ZC3H8: variants seen among roughly 807,000 people sequenced by gnomAD.
The protein encoded by ZC3H8 is zinc finger CCCH domain-containing protein 8.
In ZC3H8, 27 loss-of-function variants were observed where a neutral mutation model predicts 42.5. The observed-to-expected ratio is 0.64, with a 90% CI of 0.47 to 0.88. The LOEUF is 0.88. ZC3H8 is among the 40% of genes least tolerant of loss of function. The pLI is 0.00. For synonymous variants in ZC3H8, 101 were observed against 110.1 expected, an observed-to-expected ratio of 0.92 and a Z score of 0.52; for missense variants, 277 against 336.1, an observed-to-expected ratio of 0.82 and a Z score of 1.37.
chr2:112,237,398 C>T (rs1179593234), intron 3 of ZC3H8, among the ~76,000 whole-genome samples: 1 of 152,190 alleles, frequency 6.6e-6, no homozygotes, highest in East Asian at 1.9e-4. Context: ...TCAGATTTTT[C>T]ACTGAAAACA....
intron 8 of ZC3H8, among the ~76,000 whole-genome samples, chr2:112,217,830 T>C (rs993705215): frequency 3.3e-5 from 5 of 152,228 alleles, no homozygotes; most frequent in African/African-American, 1.2e-4. Context: ...TCTGAAAAAG[T>C]TCCTGTCAAA....
intron 8 of ZC3H8, among the ~76,000 whole-genome samples, chr2:112,226,296 TA>T (rs1030399762): frequency 2.0e-5 from 3 of 150,122 alleles, no homozygotes; most frequent in Admixed American, 1.3e-4. Context: ...AAAATCTAAT[TA>T]AAAAAAAGCG....
chr2:112,222,339 G>C (rs777683312), intron 8 of ZC3H8, among the ~76,000 whole-genome samples: 11 of 152,142 alleles, frequency 7.2e-5, no homozygotes, highest in Non-Finnish European at 1.2e-4. Flanking sequence ...GGGACCACTG[G>C]GTTGGAAGCT....
chr2:112,226,432 C>CA (rs1684841651), intron 8 of ZC3H8, among the ~76,000 whole-genome samples: 1 of 151,196 alleles, frequency 6.6e-6, no homozygotes. Context: ...ACTAAAAATA[C>CA]AAAAAAATTA....
chr2:112,215,880 A>T lies in ZC3H8; in HGVS notation c.*604T>A, dbSNP rs1684299620. The T allele has an allele frequency of 6.6e-6, 1 of 152,250 alleles. No individual in the cohort carries two copies. The highest frequency in any genetic ancestry group is 2.4e-5 in the African/African-American group (1 of 41,474). 9.4% of individuals were successfully genotyped at this position (152,250 alleles called of 1,614,324 possible). On this transcript the variant is annotated 3_prime_UTR_variant, in exon 9 of 9. Transcript: ENST00000409573. ...CTCTAAATTTAGAAATGGTATAGTA[A>T]GAGATATTGTTTCACTTTATTTATA...
At chr2:112,236,462 C>T in intron 4 of ZC3H8, 100 bp downstream of exon 4, 2 of 1,475,910 alleles carry the variant, frequency 1.4e-6, no homozygotes, top group South Asian at 1.4e-5. Context: ...GGGATGCTTC[C>T]ACCTCTCCAT....
chr2:112,232,989 A>G (rs892896690), intron 6 of ZC3H8, among the ~76,000 whole-genome samples: 2 of 152,220 alleles, frequency 1.3e-5, no homozygotes, highest in South Asian at 2.1e-4. Context: ...AGAAATTGTG[A>G]TAAGTCTTTC....
chr2:112,238,341 T>C lies in ZC3H8; in HGVS notation c.344A>G (p.Lys115Arg). The part of the protein sequence containing the change: ...NAAQPEESTK[K>R]EGVKDTPQAA... ...CTGTGGGGTATCTTTTACTCCTTCT[T>C]TCTTTGTAGATTCTTCAGGTTGAGC... is the stretch of plus-strand genomic sequence containing the variant. Residue 115 changes from lysine (K) to arginine (R), a missense_variant, in exon 3 of 9, where the codon AAA (lysine) becomes AGA (arginine). Coordinates refer to ENST00000409573, the MANE Select transcript of ZC3H8 (RefSeq NM_032494.3). The C allele has an allele frequency of 6.2e-7, 1 of 1,613,770 alleles. No homozygotes were observed. Among genetic ancestry groups the C allele is most frequent in the Non-Finnish European group, 8.5e-7 (1 of 1,179,884 alleles).
chr2:112,229,610 A>G (rs1303338532), intron 8 of ZC3H8, among the ~76,000 whole-genome samples: 2 of 152,218 alleles, frequency 1.3e-5, no homozygotes, highest in African/African-American at 4.8e-5. Context: ...CAGATCTGCC[A>G]TATGAAACAG....
In ZC3H8 at chr2:112,238,871, A is replaced by G. The variant is rs187789306; in HGVS notation, c.157-343T>C. ...TTATTTGATATGAGAGGATTACAGT[A>G]TTACAGTTCACACATTACATTTCTG... On this transcript the variant is annotated intron_variant, in intron 2 of 8. Coordinates refer to ENST00000409573, the MANE Select transcript of ZC3H8 (RefSeq NM_032494.3). 9.2e-5 allele frequency among the ~76,000 whole-genome samples: 14 copies of G among 152,362 alleles called. No homozygotes were observed. The East Asian group carries it at 2.7e-3, about 29-fold the overall frequency.
chr2:112,212,286 AAC>A lies in ZC3H8; in HGVS notation c.*4196_*4197del, dbSNP rs779686369. On this transcript the variant is annotated 3_prime_UTR_variant, in exon 9 of 9. Transcript: ENST00000409573. ...TCATCTCCCAAAGGCCCTACCTCCT[AAC>A]AGTTAGTCCTAGGAGTCAGGATTTC... 3.9e-5 allele frequency: 6 copies of A among 152,228 alleles called. No individual in the cohort carries two copies. Among genetic ancestry groups the A allele is most frequent in the Non-Finnish European group, 8.8e-5 (6 of 68,050 alleles). The allele number at this position is 152,228 out of a possible 1,614,324, so 9.4% of individuals were successfully genotyped here.
Position 112,234,117 on chromosome 2 carries a change from T to C in ZC3H8, c.621+3A>G. The stretch of plus-strand genomic sequence containing the variant: ...GTAGATTTTTGCTTACACATTTTTA[T>C]ACCTTAATACATTTCCTTTCAAGAA... On this transcript the variant is annotated splice_donor_region_variant and intron_variant, in intron 5 of 8. Transcript: ENST00000409573. 1 of 1,510,404 alleles carries C rather than the reference T, an allele frequency of 6.6e-7. No homozygotes were observed. Among genetic ancestry groups the C allele is most frequent in the Non-Finnish European group, 9.0e-7 (1 of 1,115,334 alleles). 93.6% of individuals were successfully genotyped at this position (1,510,404 alleles called of 1,614,324 possible).
At chr2:112,244,730 A>G (rs571632549) in intron 2 of ZC3H8, among the ~76,000 whole-genome samples, 4 of 152,248 alleles carry the variant, frequency 2.6e-5, no homozygotes, top group Admixed American at 6.5e-5. Context: ...TGACGTTACT[A>G]TTGTAATTTT....
rs1182194884 is a variant in ZC3H8, at chr2:112,212,723, G to C, written c.*3761C>G. 6.6e-6 allele frequency: 1 copy of C among 152,028 alleles called. No homozygotes were observed. The highest frequency in any genetic ancestry group is 6.6e-5 in the Admixed American group (1 of 15,256). The allele number at this position is 152,028 out of a possible 1,614,324, so 9.4% of individuals were successfully genotyped here. On this transcript the variant is annotated 3_prime_UTR_variant, in exon 9 of 9. Coordinates refer to ENST00000409573, the MANE Select transcript of ZC3H8 (RefSeq NM_032494.3). ...TAGCACCCCTTGAAATCTTAAGACAGCTGTCTCTGTTCTGGTGTCATAATC... is the reference window on the plus strand; with the variant it reads ...TAGCACCCCTTGAAATCTTAAGACACCTGTCTCTGTTCTGGTGTCATAATC...
At chr2:112,244,972 T>C (rs1685706285) in intron 2 of ZC3H8, among the ~76,000 whole-genome samples, 1 of 152,194 alleles carries the variant, frequency 6.6e-6, no homozygotes, top group East Asian at 1.9e-4. Flanking sequence ...TCTACTGAAA[T>C]CAAAAGCTAG....
In ZC3H8 at chr2:112,243,897, T is replaced by C. The variant is rs140914090; in HGVS notation, c.157-5369A>G. Among the ~76,000 whole-genome samples the C allele has an allele frequency of 1.8e-4, 27 of 151,926 alleles. No homozygotes were observed. The East Asian group carries it at 5.2e-3, about 29-fold the overall frequency. ...TCGAAAATTTAAAAATACACAAAGA[T>C]ATTAAAAAATATATTCAAAAACAAT... On this transcript the variant is annotated intron_variant, in intron 2 of 8. Coordinates refer to ENST00000409573, the MANE Select transcript of ZC3H8 (RefSeq NM_032494.3).
chr2:112,254,022 C>T (rs1267838600), intron 1 of ZC3H8: 1 of 768,940 alleles, frequency 1.3e-6, no homozygotes, highest in Non-Finnish European at 1.6e-6. Flanking sequence ...GTTTTCCCAT[C>T]TGTAAAACGA....
Position 112,255,024 on chromosome 2 carries a change from AG to A in ZC3H8, c.-44del. ...CCTTTCGCGAGCCGGGAAGCTACAG[AG>A]TAACAACCCGAGAGAGTGACAACCC... On this transcript the variant is annotated 5_prime_UTR_variant, in exon 1 of 9. Transcript: ENST00000409573. The A allele has an allele frequency of 6.4e-7, 1 of 1,564,006 alleles. No homozygotes were observed. Among genetic ancestry groups the A allele is most frequent in the South Asian group, 1.2e-5 (1 of 85,736 alleles).
intron 8 of ZC3H8, 170 bp downstream of exon 8, chr2:112,230,733 C>G (rs1685050737): frequency 3.4e-6 from 1 of 295,382 alleles, no homozygotes; most frequent in African/African-American, 2.2e-5. Context: ...AGGAAGCAGG[C>G]TGATGTAGAT....
Sources: allele counts gnomAD v4.1 joint callset (sites outside exome capture counted in the v4.1 genomes callset), GRCh38; gene constraint gnomAD v4.1.1; transcripts MANE v1.5; gene names NCBI Gene and HGNC (gene_info 2026-07-23, HGNC 2026-07-21).